PRDM11: variants seen among roughly 807,000 people sequenced by gnomAD.
The protein encoded by PRDM11 is PR/SET domain 11.
PRDM11 carries 20 observed loss-of-function variants against 97.8 expected under a neutral mutation model. The ratio of observed to expected loss-of-function variants is 0.20; its 90% CI spans 0.14 to 0.30. The LOEUF (loss-of-function observed/expected upper bound fraction) is 0.30. Ranked by LOEUF, PRDM11 falls within the 10% of genes least tolerant of loss-of-function variation. The pLI is 1.00. For synonymous variants in PRDM11, 599 were observed against 637.7 expected (o/e 0.94, Z 0.91); for missense variants, 1,139 against 1,555.2 (o/e 0.73, Z 4.50).
chr11:45,203,872 G>A (rs1355630605), intron 4 of PRDM11, among the ~76,000 whole-genome samples: 1 of 152,154 alleles, frequency 6.6e-6, no homozygotes, highest in Non-Finnish European at 1.5e-5. Context: ...AAAGCCTAAT[G>A]ACTGAGAATT....
In PRDM11 at chr11:45,227,179, G is replaced by A; in HGVS notation, c.2554G>A (p.Val852Ile). ...GGAGGTGGTGGCCCATCTCAAGGAG[G>A]TCAGCAGCCAGACCCAGCGGGCAGA... is the stretch of plus-strand genomic sequence containing the variant. ...YLEVVAHLKE[V>I]SSQTQRADAS... Residue 852 changes from valine to isoleucine, a missense_variant, in exon 8 of 8, where the codon GTC becomes ATC. Physicochemically the swap from Val to Ile is conservative, Grantham distance 29. Transcript: ENST00000683152. The surrounding 1 kb of genome is among the most constrained non-coding windows in gnomAD (Gnocchi z 8.0). The A allele has an allele frequency of 1.3e-6, 2 of 1,533,962 alleles. No individual in the cohort carries two copies. The highest frequency in any genetic ancestry group is 2.4e-5 in the South Asian group (2 of 83,974).
At chr11:45,222,055 T>C (rs1222035441) in intron 6 of PRDM11, among the ~76,000 whole-genome samples, 1 of 152,250 alleles carries the variant, frequency 6.6e-6, no homozygotes, top group Non-Finnish European at 1.5e-5. Context: ...TATTGGTTGT[T>C]GCCAGAAGTC....
chr11:45,198,644 C>T (rs551870335), intron 4 of PRDM11, among the ~76,000 whole-genome samples: 9 of 152,224 alleles, frequency 5.9e-5, no homozygotes, highest in Non-Finnish European at 1.0e-4. Flanking sequence ...GGCAGACAGA[C>T]ATTCTGTTGC....
At chr11:45,194,592 G>GTTT (rs869144098) in intron 4 of PRDM11, among the ~76,000 whole-genome samples, 727 of 70,746 alleles carry the variant, frequency 0.01, 26 homozygotes, top group African/African-American at 0.034. Context: ...ATTATCTTCT[G>GTTT]TTTTTTTTTT....
intron 1 of PRDM11, among the ~76,000 whole-genome samples, chr11:45,097,247 C>A (rs1039402295): frequency 3.3e-5 from 5 of 152,142 alleles, no homozygotes; most frequent in African/African-American, 1.2e-4. Context: ...GGCCATGTGA[C>A]CTTAAACAAG....
intron 5 of PRDM11, among the ~76,000 whole-genome samples, chr11:45,211,081 G>A (rs924089576): frequency 1.3e-5 from 2 of 152,174 alleles, no homozygotes; most frequent in African/African-American, 2.4e-5. Flanking sequence ...GGCCAGCTGC[G>A]GCAGCACTCG....
At chr11:45,113,107 C>T (rs985184339) in intron 1 of PRDM11, among the ~76,000 whole-genome samples, 4 of 152,124 alleles carry the variant, frequency 2.6e-5, no homozygotes, top group Admixed American at 2.6e-4. Flanking sequence ...AGTCTTTGAT[C>T]CACCATGAAT....
At chr11:45,136,865 G>A (rs981049764) in intron 1 of PRDM11, among the ~76,000 whole-genome samples, 4 of 151,948 alleles carry the variant, frequency 2.6e-5, no homozygotes, top group South Asian at 2.1e-4. Context: ...GATGGGGGCC[G>A]GGCACAGAGG....
intron 1 of PRDM11, among the ~76,000 whole-genome samples, chr11:45,118,747 G>C (rs1274498830): frequency 2.6e-5 from 4 of 152,174 alleles, no homozygotes; most frequent in Non-Finnish European, 5.9e-5. Context: ...ATTTCATATT[G>C]GGTTAAGTAT....
intron 1 of PRDM11, among the ~76,000 whole-genome samples, chr11:45,110,997 G>A (rs1283853743): frequency 6.6e-6 from 1 of 150,444 alleles, no homozygotes; most frequent in Non-Finnish European, 1.5e-5. Context: ...AGTTTTCGAC[G>A]TCCAATGGTT....
chr11:45,176,545 G>A (rs1321063560), intron 1 of PRDM11, among the ~76,000 whole-genome samples: 2 of 152,170 alleles, frequency 1.3e-5, no homozygotes, highest in African/African-American at 4.8e-5. Context: ...GGACGGATGG[G>A]GAAACCAGGT....
chr11:45,111,360 TGC>T (rs1852175200), intron 1 of PRDM11, among the ~76,000 whole-genome samples: 10 of 54,860 alleles, frequency 1.8e-4, no homozygotes, highest in Admixed American at 7.0e-4. Context: ...CACCCAACAT[TGC>T]TTCGGACCAA....
At chr11:45,145,289 T>C (rs1851481357), upstream of PRDM11, among the ~76,000 whole-genome samples, 1 of 152,150 alleles carries the variant, frequency 6.6e-6, no homozygotes, top group African/African-American at 2.4e-5. Flanking sequence ...GAAGCTGTGT[T>C]TGTGACGCCA....
intron 5 of PRDM11, among the ~76,000 whole-genome samples, chr11:45,207,527 C>T (rs997490262): frequency 1.3e-5 from 2 of 152,180 alleles, no homozygotes; most frequent in Non-Finnish European, 2.9e-5. Context: ...ACAGGACACC[C>T]CTTCCCCCCA....
At chr11:45,122,162 A>G (rs1284740279) in intron 1 of PRDM11, among the ~76,000 whole-genome samples, 4 of 150,650 alleles carry the variant, frequency 2.7e-5, no homozygotes, top group African/African-American at 9.7e-5. Flanking sequence ...AAATGTATAA[A>G]CCCCTACTAA....
At chr11:45,122,202 GACACACACACAC>G (rs756403475) in intron 1 of PRDM11, among the ~76,000 whole-genome samples, 1 of 145,022 alleles carries the variant, frequency 6.9e-6, no homozygotes, top group East Asian at 2.2e-4. Context: ...CACACACACA[GACACACACACAC>G]ACACACACAC....
chr11:45,192,307 A>G (rs1018820068), intron 4 of PRDM11, among the ~76,000 whole-genome samples: 2 of 152,200 alleles, frequency 1.3e-5, no homozygotes, highest in Non-Finnish European at 2.9e-5. Context: ...CTCAGATGCA[A>G]TGGATCATAA....
Position 45,227,936 on chromosome 11 carries a change from C to T in PRDM11, c.3311C>T (p.Ser1104Phe). 6.5e-7 allele frequency: 1 copy of T among 1,533,928 alleles called. No homozygotes were observed. Among genetic ancestry groups the T allele is most frequent in the Non-Finnish European group, 8.7e-7 (1 of 1,146,728 alleles). ...ALQRVRKNHRSRLTLEQLSDL... is the reference protein window; with the variant it reads ...ALQRVRKNHRFRLTLEQLSDL... ...CAGCGAGTTCGCAAAAACCACCGCT[C>T]CCGCCTGACCCTGGAGCAGCTTAGC... Residue 1104 changes from serine to phenylalanine, a missense_variant, in exon 8 of 8, where the codon TCC becomes TTC. Ser to Phe is a radical substitution (Grantham distance 155). Transcript: ENST00000683152. This position sits in a 1 kb window ranked among gnomAD's most constrained non-coding sequence, Gnocchi z 8.0.
chr11:45,124,051 G>C (rs1432911573), intron 1 of PRDM11, among the ~76,000 whole-genome samples: 1 of 148,674 alleles, frequency 6.7e-6, no homozygotes, highest in Non-Finnish European at 1.5e-5. Flanking sequence ...TCCTTGAAGA[G>C]GTCCTTCACA....
Sources: allele counts gnomAD v4.1 joint callset (sites outside exome capture counted in the v4.1 genomes callset), GRCh38; gene constraint gnomAD v4.1.1; non-coding constraint Gnocchi (gnomAD v3.1); transcripts MANE v1.5; gene names NCBI Gene and HGNC (gene_info 2026-07-23, HGNC 2026-07-21).